Variants in SLC36A1 observed in about 807,000 individuals in gnomAD.
The protein encoded by SLC36A1 is solute carrier family 36 member 1.
A neutral mutation model predicts 47.5 loss-of-function variants in SLC36A1; 30 were observed. That is an observed-to-expected ratio of 0.63 (90% CI 0.47 to 0.86). The LOEUF (loss-of-function observed/expected upper bound fraction) is 0.86, where lower values mean the gene tolerates loss of function less well. Ranked by LOEUF, SLC36A1 falls within the 40% of genes least tolerant of loss-of-function variation. The pLI is 0.00. For missense variants in SLC36A1, 517 were observed against 606.0 expected (o/e 0.85, Z 1.54); for synonymous variants, 255 against 249.7 (o/e 1.02, Z -0.20).
At chr5:151,386,387 T>G in the SLC36A1 span, among the ~76,000 whole-genome samples, 2 of 152,192 alleles carry the variant, frequency 1.3e-5, no homozygotes, top group East Asian at 3.8e-4. Context: ...TTAACTACTT[T>G]TAGTATTTGA....
chr5:151,484,465 G>A (rs1249306354), intron 10 of SLC36A1, among the ~76,000 whole-genome samples: 1 of 152,218 alleles, frequency 6.6e-6, no homozygotes, highest in Non-Finnish European at 1.5e-5. Flanking sequence ...GCAGGACGTG[G>A]TGCTTCCCAG....
chr5:151,513,293 CA>C, the SLC36A1 span, among the ~76,000 whole-genome samples: 1 of 152,178 alleles, frequency 6.6e-6, no homozygotes, highest in South Asian at 2.1e-4. Context: ...GACATACACT[CA>C]TATGTTGATT....
At chr5:151,534,661 A>G in the SLC36A1 span, 5 of 1,593,614 alleles carry the variant, frequency 3.1e-6, no homozygotes, top group Non-Finnish European at 4.3e-6. Flanking sequence ...AGAAATGACA[A>G]AAGTTGAGCT....
the SLC36A1 span, among the ~76,000 whole-genome samples, chr5:151,416,420 C>T: frequency 6.6e-6 from 1 of 152,160 alleles, no homozygotes; most frequent in African/African-American, 2.4e-5. Flanking sequence ...AAGACCACTC[C>T]GAAGGGCAGT....
chr5:151,486,544 C>T (rs1423797740), intron 10 of SLC36A1, among the ~76,000 whole-genome samples: 1 of 152,232 alleles, frequency 6.6e-6, no homozygotes, highest in Non-Finnish European at 1.5e-5. Flanking sequence ...TTCAGCTGCT[C>T]AGCCAAAGAA....
the SLC36A1 span, chr5:151,511,180 T>C: frequency 6.6e-6 from 1 of 152,108 alleles, no homozygotes; most frequent in African/African-American, 2.4e-5. Flanking sequence ...AGAGAAGTGA[T>C]GGATTCCTTG....
At chr5:151,542,258 C>T in the SLC36A1 span, 1 of 1,543,578 alleles carries the variant, frequency 6.5e-7, no homozygotes, top group South Asian at 1.3e-5. Flanking sequence ...CATTCCAGAG[C>T]CTGCAGTCCA....
chr5:151,399,930 CA>C, the SLC36A1 span, among the ~76,000 whole-genome samples: 1 of 152,176 alleles, frequency 6.6e-6, no homozygotes, highest in African/African-American at 2.4e-5. Context: ...TGAGTTGTTA[CA>C]ACATCCATGC....
the SLC36A1 span, among the ~76,000 whole-genome samples, chr5:151,351,920 G>A: frequency 1.6e-4 from 25 of 152,234 alleles, no homozygotes; most frequent in Admixed American, 4.6e-4. Flanking sequence ...GAACATATCA[G>A]TATTCCTCAC....
chr5:151,369,235 T>G, the SLC36A1 span, among the ~76,000 whole-genome samples: 1 of 152,226 alleles, frequency 6.6e-6, no homozygotes, highest in South Asian at 2.1e-4. Context: ...GGCAATACTC[T>G]GGCTTTGGCA....
At chr5:151,523,096 A>G in the SLC36A1 span, among the ~76,000 whole-genome samples, 11 of 152,176 alleles carry the variant, frequency 7.2e-5, no homozygotes, top group African/African-American at 2.7e-4. Flanking sequence ...TTTTCCCTGT[A>G]GTAATATCTT....
At chr5:151,528,157 GAA>G in the SLC36A1 span, 1,496 of 1,610,438 alleles carry the variant, frequency 9.3e-4, 1 homozygote, top group Non-Finnish European at 1.1e-3. Flanking sequence ...GGGGGATTGT[GAA>G]TGGAGGGACA....
At chr5:151,508,236 C>T in the SLC36A1 span, among the ~76,000 whole-genome samples, 1 of 152,228 alleles carries the variant, frequency 6.6e-6, no homozygotes. Flanking sequence ...AAACATTTCT[C>T]AGTGCCCGAA....
At chr5:151,464,363 A>T (rs1756021212) in intron 3 of SLC36A1, 151 bp from the exon 4 acceptor site, 1 of 646,966 alleles carries the variant, frequency 1.5e-6, no homozygotes, top group South Asian at 1.8e-5. Flanking sequence ...CTCCATGATC[A>T]CGTTTCTCTC....
chr5:151,374,119 G>T, the SLC36A1 span, among the ~76,000 whole-genome samples: 1 of 152,178 alleles, frequency 6.6e-6, no homozygotes, highest in African/African-American at 2.4e-5. Context: ...CAGGAAGAGA[G>T]CTGGCTGGAG....
At chr5:151,556,039 G>A in the SLC36A1 span, among the ~76,000 whole-genome samples, 81 of 152,314 alleles carry the variant, frequency 5.3e-4, no homozygotes, top group Admixed American at 1.7e-3. Context: ...GCCTGAGCCA[G>A]GAGGGATGGA....
chr5:151,517,911 G>A, the SLC36A1 span: 1 of 967,874 alleles, frequency 1.0e-6, no homozygotes, highest in Non-Finnish European at 1.5e-6. Context: ...GGTGTGGGGT[G>A]TGCCATACCT....
intron 7 of SLC36A1, among the ~76,000 whole-genome samples, chr5:151,468,251 C>CAAAAAAAAAAAAAAAAAAA (rs1214176868): frequency 6.4e-4 from 20 of 31,268 alleles, no homozygotes; most frequent in Non-Finnish European, 9.1e-4. Flanking sequence ...GACTCTGTCT[C>CAAAAAAAAAAAAAAAAAAA]AAAAAAAAAA....
At chr5:151,441,805 G>A (rs958495427) in intron 1 of SLC36A1, among the ~76,000 whole-genome samples, 7 of 152,046 alleles carry the variant, frequency 4.6e-5, no homozygotes, top group South Asian at 2.1e-4. Context: ...TAAACTGCAC[G>A]TATTTAAAGC....
Sources: gnomAD v4.1 joint callset for allele counts (sites outside exome capture counted in the v4.1 genomes callset) on GRCh38, gnomAD v4.1.1 for gene constraint, MANE v1.5 for transcripts, NCBI Gene and HGNC (gene_info 2026-07-23, HGNC 2026-07-21) for gene names.